Variants in BEND5 observed in about 807,000 individuals in gnomAD.
The protein encoded by BEND5 is BEN domain containing 5.
In BEND5, 22 loss-of-function variants were observed where a neutral mutation model predicts 43.9. That is an observed-to-expected ratio of 0.50 (90% CI 0.36 to 0.72). The LOEUF (loss-of-function observed/expected upper bound fraction) is 0.72. BEND5 is among the 30% of genes least tolerant of loss of function. The pLI, the probability that BEND5 is intolerant of heterozygous loss-of-function variation, is 0.00. For synonymous variants in BEND5, 228 were observed against 225.9 expected, an observed-to-expected ratio of 1.01 and a Z score of -0.08; for missense variants, 428 against 550.6, an observed-to-expected ratio of 0.78 and a Z score of 2.23.
Position 48,727,849 on chromosome 1 carries a change from C to T in BEND5, c.*37G>A, listed in dbSNP as rs780617132. The stretch of plus-strand genomic sequence containing the variant: ...CATCGCTCGCAAATCACATGCCACA[C>T]AAGGAAAACACGAAAGCTTTATGAA... On this transcript the variant is annotated 3_prime_UTR_variant, in exon 6 of 6. Coordinates refer to ENST00000371833, the MANE Select transcript of BEND5 (RefSeq NM_024603.4). The T allele has an allele frequency of 1.3e-6, 2 of 1,572,682 alleles. No homozygotes were observed. The highest frequency in any genetic ancestry group is 1.2e-5 in the South Asian group (1 of 86,426).
chr1:48,769,486 T>C (rs921941237), intron 1 of BEND5, among the ~76,000 whole-genome samples: 3 of 149,422 alleles, frequency 2.0e-5, no homozygotes, highest in African/African-American at 7.4e-5. Context: ...ATATTAATAG[T>C]AAGCCTTTCA....
intron 4 of BEND5, among the ~76,000 whole-genome samples, chr1:48,739,111 T>C (rs1319785239): frequency 6.6e-6 from 1 of 152,224 alleles, no homozygotes; most frequent in East Asian, 1.9e-4. Flanking sequence ...GTTTTCCTTT[T>C]GAGTTTCCTC....
chr1:48,773,349 C>T (rs966239835), intron 1 of BEND5, among the ~76,000 whole-genome samples: 3 of 152,110 alleles, frequency 2.0e-5, no homozygotes, highest in Non-Finnish European at 4.4e-5. Flanking sequence ...ACTTTCACAA[C>T]CTGCTTGGCA....
intron 1 of BEND5, among the ~76,000 whole-genome samples, chr1:48,774,052 T>G (rs1644961455): frequency 6.6e-6 from 1 of 152,252 alleles, no homozygotes; most frequent in Non-Finnish European, 1.5e-5. Context: ...AGCTCTGGGC[T>G]GGCTTGGGCC....
intron 1 of BEND5, among the ~76,000 whole-genome samples, chr1:48,775,073 T>C (rs1645010901): frequency 6.6e-6 from 1 of 152,202 alleles, no homozygotes; most frequent in South Asian, 2.1e-4. Context: ...CCTCAGGTAA[T>C]TAAAGGCAAG....
At chr1:48,772,307 C>T (rs1644875792) in intron 1 of BEND5, among the ~76,000 whole-genome samples, 1 of 152,160 alleles carries the variant, frequency 6.6e-6, no homozygotes, top group African/African-American at 2.4e-5. Context: ...TAGGGACTAC[C>T]ACTGAAGCAA....
At chr1:48,775,925 G>A (rs1934380) in intron 1 of BEND5, among the ~76,000 whole-genome samples, 8,790 of 152,254 alleles carry the variant, frequency 0.058, 400 homozygotes, top group East Asian at 0.16. Flanking sequence ...AGAAAGGGGT[G>A]TGGAGGCTGA....
At chr1:48,765,705 A>AT (rs1423414072) in intron 1 of BEND5, among the ~76,000 whole-genome samples, 3 of 152,242 alleles carry the variant, frequency 2.0e-5, no homozygotes, top group Non-Finnish European at 2.9e-5. Context: ...AAAATGTGGT[A>AT]TACCCATACA....
At chr1:48,771,895 T>A (rs1318222834) in intron 1 of BEND5, among the ~76,000 whole-genome samples, 1 of 152,208 alleles carries the variant, frequency 6.6e-6, no homozygotes, top group Non-Finnish European at 1.5e-5. Context: ...TCTAGCTAGT[T>A]GAGGGAGTGA....
At chr1:48,759,484 A>G in intron 2 of BEND5, 200 bp from the exon 3 acceptor site, 1 of 1,104,536 alleles carries the variant, frequency 9.1e-7, no homozygotes, top group Non-Finnish European at 1.2e-6. Context: ...TGGGGTTCCG[A>G]GTGGGGAAGG....
At chr1:48,745,607 A>G (rs1650611852) in intron 3 of BEND5, among the ~76,000 whole-genome samples, 1 of 152,146 alleles carries the variant, frequency 6.6e-6, no homozygotes, top group Non-Finnish European at 1.5e-5. Flanking sequence ...CCTTTTGTCC[A>G]GAACATTCTA....
At chr1:48,765,467 G>C (rs1644484192) in intron 1 of BEND5, among the ~76,000 whole-genome samples, 1 of 152,130 alleles carries the variant, frequency 6.6e-6, no homozygotes, top group African/African-American at 2.4e-5. Context: ...ATTCCTGCTG[G>C]GTATTGTAGA....
At position 48,736,437 on chromosome 1, in the gene BEND5, C is replaced by T. The variant is rs925374841; in HGVS notation, c.910G>A (p.Gly304Arg). The T allele has an allele frequency of 1.2e-6, 2 of 1,614,090 alleles. No individual in the cohort carries two copies. The highest frequency in any genetic ancestry group is 1.7e-6 in the Non-Finnish European group (2 of 1,180,016). ...LDNGKVHLGS[G>R]IWVDEEKWHQ... ...CATTTCTCCTCATCAACCCAAATCC[C>T]GCTTCCCAGATGGACCTGAGAGGAA... The change falls in exon 5 of 6, where the codon GGG (glycine) becomes AGG (arginine). Residue 304 changes from glycine to arginine, a missense_variant. Physicochemically the swap from Gly to Arg is moderately radical, Grantham distance 125. Around this residue, in one of 4 missense-constraint regions of BEND5, gnomAD observed 75 missense variants for 148.5 expected, o/e 0.50. Transcript: ENST00000371833. The surrounding 1 kb of genome is among the most constrained non-coding windows in gnomAD (Gnocchi z 4.0).
chr1:48,763,942 T>C (rs1644403753), intron 1 of BEND5, among the ~76,000 whole-genome samples: 1 of 152,156 alleles, frequency 6.6e-6, no homozygotes, highest in African/African-American at 2.4e-5. Context: ...TGTCATAACA[T>C]GAATGTAGGA....
intron 4 of BEND5, among the ~76,000 whole-genome samples, chr1:48,737,269 G>C (rs889428767): frequency 5.3e-5 from 8 of 152,210 alleles, no homozygotes; most frequent in Admixed American, 5.2e-4. Flanking sequence ...GGGAGACAGA[G>C]CGAGACTCCG....
intron 5 of BEND5, among the ~76,000 whole-genome samples, chr1:48,733,219 T>C (rs550176531): frequency 6.6e-6 from 1 of 152,198 alleles, no homozygotes; most frequent in South Asian, 2.1e-4. Context: ...TGATCAAATA[T>C]ATTTACATGA....
intron 3 of BEND5, among the ~76,000 whole-genome samples, chr1:48,752,413 T>C (rs1290592879): frequency 3.3e-5 from 5 of 152,138 alleles, no homozygotes. Flanking sequence ...CAGGAAAAGT[T>C]GGGCGTGGTA....
At chr1:48,732,056 G>T (rs1648224468) in intron 5 of BEND5, among the ~76,000 whole-genome samples, 1 of 152,116 alleles carries the variant, frequency 6.6e-6, no homozygotes, top group Non-Finnish European at 1.5e-5. Context: ...CTTTAAAATG[G>T]CTTAGAAAAT....
At chr1:48,740,441 C>A (rs1326223047) in intron 4 of BEND5, among the ~76,000 whole-genome samples, 2 of 152,200 alleles carry the variant, frequency 1.3e-5, no homozygotes, top group Non-Finnish European at 2.9e-5. Context: ...ATTTGATGGT[C>A]TTTGCAGCTT....
Sources: gnomAD v4.1 joint callset for allele counts (sites outside exome capture counted in the v4.1 genomes callset) on GRCh38, gnomAD v4.1.1 for gene constraint, gnomAD v4.1.1 regional missense constraint, Gnocchi (gnomAD v3.1) non-coding constraint, MANE v1.5 for transcripts, NCBI Gene and HGNC (gene_info 2026-07-23, HGNC 2026-07-21) for gene names.